Variants in RBFOX1 observed in about 807,000 individuals in gnomAD.
RBFOX1 encodes RNA binding fox-1 homolog 1.
In RBFOX1, 8 loss-of-function variants were observed where a neutral mutation model predicts 57.7. The observed-to-expected ratio is 0.14, with a 90% CI of 0.08 to 0.25. The LOEUF (loss-of-function observed/expected upper bound fraction) is 0.25. Ranked by LOEUF, RBFOX1 falls within the 10% of genes least tolerant of loss-of-function variation. The pLI is 1.00. For missense variants in RBFOX1, 611 were observed against 548.5 expected (o/e 1.11, Z -1.14); for synonymous variants, 326 against 222.4 (o/e 1.47, Z -4.15).
intron 1 of RBFOX1, among the ~76,000 whole-genome samples, chr16:6,047,496 G>A (rs968706955): frequency 2.6e-5 from 4 of 152,310 alleles, no homozygotes; most frequent in Non-Finnish European, 5.9e-5. Context: ...GAAAACTCCA[G>A]GATTTTGGGT....
intron 3 of RBFOX1, among the ~76,000 whole-genome samples, chr16:6,659,391 G>A (rs1392183925): frequency 2.6e-5 from 4 of 152,116 alleles, no homozygotes; most frequent in African/African-American, 4.8e-5. Flanking sequence ...TTGAAGGTGC[G>A]ATTGGGAGAT....
intron 4 of RBFOX1, among the ~76,000 whole-genome samples, chr16:7,342,129 C>T (rs1426402431): frequency 6.6e-6 from 1 of 152,154 alleles, no homozygotes; most frequent in East Asian, 1.9e-4. Context: ...GGATTTACAA[C>T]AAGGAAACCT....
chr16:6,074,541 A>T lies in RBFOX1; in HGVS notation c.-127+54549A>T, dbSNP rs142239294. Among the ~76,000 whole-genome samples, 1,201 of 152,302 alleles carry T rather than the reference A, an allele frequency of 7.9e-3. 23 individuals are homozygous for T. Among genetic ancestry groups the T allele is most frequent in the Admixed American group, 0.036 (555 of 15,300 alleles). ...TATCTATGATGCTTGTTAAAGACAGAATGAAAGACTTTACTCAAGAGGGAC... is the reference window on the plus strand; with the variant it reads ...TATCTATGATGCTTGTTAAAGACAGTATGAAAGACTTTACTCAAGAGGGAC... On this transcript the variant is annotated intron_variant, in intron 1 of 15. Coordinates refer to ENST00000550418, the MANE Select transcript of RBFOX1 (RefSeq NM_018723.4).
intron 4 of RBFOX1, among the ~76,000 whole-genome samples, chr16:7,466,019 T>TC (rs1314958859): frequency 1.3e-5 from 2 of 152,152 alleles, no homozygotes; most frequent in East Asian, 3.9e-4. Flanking sequence ...AGAAAGTGCA[T>TC]CATCTGTGTT....
At chr16:6,688,261 T>C (rs916467982) in intron 3 of RBFOX1, among the ~76,000 whole-genome samples, 3 of 151,676 alleles carry the variant, frequency 2.0e-5, no homozygotes, top group African/African-American at 4.8e-5. Flanking sequence ...TGCTACACAA[T>C]TGTAAACAAC....
chr16:7,554,023 C>A (rs770997471), intron 5 of RBFOX1, among the ~76,000 whole-genome samples: 18 of 152,090 alleles, frequency 1.2e-4, no homozygotes, highest in Non-Finnish European at 2.4e-4. Flanking sequence ...GTGAGGGGAT[C>A]GCTTGAGCCC....
Position 6,316,935 on chromosome 16 carries a change from C to A in RBFOX1, c.-126-60C>A, listed in dbSNP as rs139938013. 222 of 1,439,724 alleles carry A rather than the reference C, an allele frequency of 1.5e-4. No individual in the cohort carries two copies. In the African/African-American group the frequency reaches 2.7e-3, roughly 17 times the overall value. 89.2% of individuals were successfully genotyped at this position (1,439,724 alleles called of 1,614,324 possible). On this transcript the variant is annotated intron_variant, in intron 1 of 15. Transcript: ENST00000550418. Reference sequence around the variant, plus strand: ...CCATATTACTATGACAAAAAAAGTGCGGACAAAATTCAAGAATACATTTCT... The same window carrying A: ...CCATATTACTATGACAAAAAAAGTGAGGACAAAATTCAAGAATACATTTCT...
At chr16:5,276,590 C>G (rs1340866646) in intron 1 of RBFOX1, among the ~76,000 whole-genome samples, 4 of 152,178 alleles carry the variant, frequency 2.6e-5, no homozygotes, top group Non-Finnish European at 5.9e-5. Flanking sequence ...TGAGACCAGC[C>G]TGACTAACAT....
chr16:7,032,695 G>C (rs577816768), intron 3 of RBFOX1, among the ~76,000 whole-genome samples: 2 of 151,854 alleles, frequency 1.3e-5, no homozygotes, highest in Non-Finnish European at 2.9e-5. Flanking sequence ...TGAACACATG[G>C]TTCATTTTCA....
At chr16:7,426,883 T>C (rs1011856114) in intron 4 of RBFOX1, among the ~76,000 whole-genome samples, 6 of 152,142 alleles carry the variant, frequency 3.9e-5, no homozygotes, top group Non-Finnish European at 7.3e-5. Flanking sequence ...GCACGGCTTG[T>C]TAAAACCTCT....
At chr16:6,425,556 T>G (rs1335508012) in intron 2 of RBFOX1, among the ~76,000 whole-genome samples, 2 of 152,202 alleles carry the variant, frequency 1.3e-5, no homozygotes, top group Non-Finnish European at 2.9e-5. Flanking sequence ...GACTTCATGT[T>G]CCTACCAAAG....
intron 2 of RBFOX1, among the ~76,000 whole-genome samples, chr16:5,522,965 T>A (rs1234492325): frequency 7.0e-6 from 1 of 143,040 alleles, no homozygotes; most frequent in Non-Finnish European, 1.5e-5. Context: ...AGGTTGATTC[T>A]ATAGGCTGTT....
chr16:7,709,974 A>G (rs1381417572), intron 15 of RBFOX1: 1 of 1,007,766 alleles, frequency 9.9e-7, no homozygotes, highest in Non-Finnish European at 1.2e-6. Flanking sequence ...TTGAATTGCC[A>G]ATACTTTTAG....
chr16:5,245,674 G>A (rs577548263), intron 1 of RBFOX1, among the ~76,000 whole-genome samples: 3 of 152,174 alleles, frequency 2.0e-5, no homozygotes, highest in Admixed American at 6.5e-5. Flanking sequence ...TCAAGTGATC[G>A]GCCCACCTTG....
intron 4 of RBFOX1, among the ~76,000 whole-genome samples, chr16:7,262,688 C>T (rs1013625742): frequency 5.9e-5 from 9 of 152,366 alleles, no homozygotes; most frequent in African/African-American, 2.2e-4. Flanking sequence ...TGGAGGTGTC[C>T]TGAATAATCA....
rs75097306 is a variant in RBFOX1 at position 5,423,323 on chromosome 16, T to G, written c.220-43893T>G. Reference sequence around the variant, plus strand: ...CAGACCCTGTTCACTGTCACCGGTTTTCACCTGCACATATTTGTGTGTGTG... The same window carrying G: ...CAGACCCTGTTCACTGTCACCGGTTGTCACCTGCACATATTTGTGTGTGTG... On this transcript the variant is annotated intron_variant, in intron 1 of 2. Coordinates refer to the RBFOX1 transcript ENST00000585867. Among the ~76,000 whole-genome samples, 865 of 152,230 alleles carry G rather than the reference T, an allele frequency of 5.7e-3. 20 individuals carry two copies. The highest frequency in any genetic ancestry group is 0.049 in the East Asian group (256 of 5,186).
chr16:7,642,376 G>A (rs960104669), intron 11 of RBFOX1, among the ~76,000 whole-genome samples: 3 of 152,146 alleles, frequency 2.0e-5, no homozygotes, highest in Non-Finnish European at 4.4e-5. Context: ...CTGACACACA[G>A]ATCAGCTATC....
intron 2 of RBFOX1, among the ~76,000 whole-genome samples, chr16:6,505,294 T>G (rs1032168724): frequency 1.3e-5 from 2 of 152,164 alleles, no homozygotes; most frequent in African/African-American, 4.8e-5. Context: ...ACATTCATTT[T>G]CACCCTGATA....
chr16:6,826,647 T>C (rs1030755243), intron 3 of RBFOX1, among the ~76,000 whole-genome samples: 1 of 152,032 alleles, frequency 6.6e-6, no homozygotes, highest in African/African-American at 2.4e-5. Context: ...AAAACCTTCC[T>C]TTTTTTCTTT....
Sources: allele counts gnomAD v4.1 joint callset (sites outside exome capture counted in the v4.1 genomes callset), GRCh38; gene constraint gnomAD v4.1.1; transcripts MANE v1.5; gene names NCBI Gene and HGNC (gene_info 2026-07-23, HGNC 2026-07-21).